The following KERA variants were observed in gnomAD, a reference collection of about 807,000 sequenced individuals.
The protein encoded by KERA is keratan sulfate proteoglycan keratocan.
Under a neutral mutation model 26.4 loss-of-function variants are expected in KERA, and 25 were observed. The ratio of observed to expected loss-of-function variants is 0.95; its 90% CI spans 0.69 to 1.32. The LOEUF is 1.32. Among genes scored for constraint, KERA ranks in the 40% most tolerant of loss-of-function variants. KERA has a pLI of 0.00. For missense variants in KERA, 434 were observed against 408.9 expected (o/e 1.06, Z -0.53); for synonymous variants, 167 against 146.1 (o/e 1.14, Z -1.03).
chr12:91,054,895 A>T (rs571296849), intron 2 of KERA, among the ~76,000 whole-genome samples: 1 of 151,228 alleles, frequency 6.6e-6, no homozygotes, highest in East Asian at 1.9e-4. Context: ...GCCTTTACAC[A>T]CTTGTTTGAG....
chr12:91,052,391 CAA>C (rs1309257359), intron 2 of KERA, among the ~76,000 whole-genome samples: 1 of 151,550 alleles, frequency 6.6e-6, no homozygotes, highest in African/African-American at 2.4e-5. Flanking sequence ...CCATTCCAAA[CAA>C]GAGATCTTCC....
At chr12:91,051,983 T>C (rs549035964) in intron 2 of KERA, among the ~76,000 whole-genome samples, 1 of 151,414 alleles carries the variant, frequency 6.6e-6, no homozygotes, top group Non-Finnish European at 1.5e-5. Context: ...AGAAAATCAA[T>C]CTAATATAAA....
At chr12:91,053,523 C>T (rs566448341) in intron 2 of KERA, among the ~76,000 whole-genome samples, 6 of 151,284 alleles carry the variant, frequency 4.0e-5, no homozygotes, top group Admixed American at 6.6e-5. Flanking sequence ...GTTCTCAAAT[C>T]GTGAGCCAGC....
rs1555186013 is a variant in KERA, at chr12:91,056,977, T to TCTC, written c.-8-689_-8-688insGAG. Among the ~76,000 whole-genome samples the TCTC allele has an allele frequency of 8.5e-3, 1,243 of 147,060 alleles. 19 individuals are homozygous for TCTC. Among genetic ancestry groups the TCTC allele is most frequent in the African/African-American group, 0.029 (1,155 of 39,840 alleles). ...TTATCAATTCTCTCTCTCTCTCCCT[T>TCTC]TCTCTCTCTCTCTCTCTCTCAGAGA... On this transcript the variant is annotated intron_variant, in intron 1 of 2. Transcript: ENST00000266719.
chr12:91,056,397 A>C (rs779808415), intron 1 of KERA, 108 bp from the exon 2 acceptor site: 4 of 858,784 alleles, frequency 4.7e-6, no homozygotes, highest in Non-Finnish European at 7.7e-6. Flanking sequence ...AAGAGGTGAA[A>C]ATATGTCAAC....
Position 91,056,993 on chromosome 12 carries a change from C to A in KERA, c.-8-704G>T, listed in dbSNP as rs576546442. Among the ~76,000 whole-genome samples the A allele has an allele frequency of 3.3e-5, 5 of 150,902 alleles. No individual in the cohort carries two copies. In the South Asian group the frequency reaches 1.0e-3, roughly 31 times the overall value. On this transcript the variant is annotated intron_variant, in intron 1 of 2. Coordinates refer to ENST00000266719, the MANE Select transcript of KERA (RefSeq NM_007035.4). ...TCTCTCCCTTTCTCTCTCTCTCTCT[C>A]TCTCAGAGAATATGTATATTCTGTC...
chr12:91,053,259 T>C (rs1878910032), intron 2 of KERA, among the ~76,000 whole-genome samples: 1 of 151,378 alleles, frequency 6.6e-6, no homozygotes, highest in Non-Finnish European at 1.5e-5. Flanking sequence ...ATATCTACAT[T>C]AAAAAGTAAA....
At chr12:91,053,910 C>T (rs981814516) in intron 2 of KERA, among the ~76,000 whole-genome samples, 14 of 151,256 alleles carry the variant, frequency 9.3e-5, no homozygotes, top group Non-Finnish European at 1.6e-4. Context: ...ATCAATTGTC[C>T]GTGGGGCTTT....
rs181050368 is a variant in KERA at position 91,050,597 on chromosome 12, T to A, written c.*749A>T. 1,095 of 152,078 alleles carry A rather than the reference T, an allele frequency of 7.2e-3. 5 individuals carry two copies. The highest frequency in any genetic ancestry group is 0.012 in the Non-Finnish European group (840 of 67,684). The allele number at this position is 152,078 out of a possible 1,614,324, so 9.4% of individuals were successfully genotyped here. ...TATTTAGAAAATCCAAAAAACACAA[T>A]CAAATATAAAGAACAATTTGCAGTT... On this transcript the variant is annotated 3_prime_UTR_variant, in exon 3 of 3. Transcript: ENST00000266719.
Position 91,055,923 on chromosome 12 carries a change from A to G in KERA, c.359T>C (p.Leu120Pro), listed in dbSNP as rs145871038. 3 of 1,611,092 alleles carry G rather than the reference A, an allele frequency of 1.9e-6. No individual in the cohort carries two copies. The African/African-American group carries it at 4.0e-5, about 22-fold the overall frequency. Residue 120 changes from leucine to proline, a missense_variant, in exon 2 of 3, where the codon CTG becomes CCG. By Grantham distance (98) the Leu-to-Pro change is moderately conservative. Transcript: ENST00000266719. Reference protein sequence around the residue: ...YGIEKGALSQLKKLLFLFLED... With the variant: ...YGIEKGALSQPKKLLFLFLED... The stretch of plus-strand genomic sequence containing the variant: ...CAGAAATAAGAAGAGCAACTTCTTC[A>G]GCTGGCTTAGGGCTCCTTTTTCAAT...
chr12:91,055,356 T>C (rs1230479634), intron 2 of KERA, 40 bp downstream of exon 2: 4 of 1,545,262 alleles, frequency 2.6e-6, no homozygotes, highest in East Asian at 4.5e-5. Flanking sequence ...TTAATGACCA[T>C]GAGCCCTTTA....
intron 1 of KERA, among the ~76,000 whole-genome samples, chr12:91,057,373 T>C (rs1879035868): frequency 7.1e-5 from 1 of 14,054 alleles, no homozygotes; most frequent in Non-Finnish European, 1.2e-4. Context: ...TACATATATA[T>C]TTATATATAT....
intron 1 of KERA, among the ~76,000 whole-genome samples, chr12:91,057,440 G>A (rs975247304): frequency 2.5e-4 from 37 of 149,920 alleles, no homozygotes; most frequent in Admixed American, 2.3e-3. Context: ...ATTGATAATA[G>A]GATGAAATAA....
Position 91,055,537 on chromosome 12 carries a change from G to A in KERA, c.745C>T (p.Leu249=), listed in dbSNP as rs770335639. ...CTTGATGGGAGACCCTCATCTGACA[G>A]TTTGTTGTGATTTAGTCTCAAAAAG... ...VAFLRLNHNK[L]SDEGLPSRGF... Residue 249 remains leucine, a synonymous_variant, in exon 2 of 3, where the codon CTG becomes TTG. Coordinates refer to ENST00000266719, the MANE Select transcript of KERA (RefSeq NM_007035.4). 3 of 1,610,418 alleles carry A rather than the reference G, an allele frequency of 1.9e-6. No homozygotes were observed. The highest frequency in any genetic ancestry group is 1.7e-5 in the Admixed American group (1 of 59,660).
At chr12:91,056,477 T>C (rs564743909) in intron 1 of KERA, among the ~76,000 whole-genome samples, 188 bp from the exon 2 acceptor site, 2 of 151,320 alleles carry the variant, frequency 1.3e-5, no homozygotes, top group East Asian at 3.9e-4. Context: ...TTTGCAAACA[T>C]TGAGAATAAT....
chr12:91,055,844 T>C lies in KERA; in HGVS notation c.438A>G (p.Gln146=). The C allele has an allele frequency of 6.2e-7, 1 of 1,611,358 alleles. No homozygotes were observed. The highest frequency in any genetic ancestry group is 1.1e-5 in the South Asian group (1 of 91,034). The change falls in exon 2 of 3, where the codon CAA becomes CAG. Residue 146 remains glutamine (Q), a synonymous_variant. Coordinates refer to ENST00000266719, the MANE Select transcript of KERA (RefSeq NM_007035.4). Reference sequence around the variant, plus strand: ...ACACCTTATTTCTAGCTAATTGTAATTGTTCTAAACTTCTTGGCAATGGAG... The same window carrying C: ...ACACCTTATTTCTAGCTAATTGTAACTGTTCTAAACTTCTTGGCAATGGAG... ...VPSPLPRSLE[Q]LQLARNKVSR...
rs779861921 is a variant in KERA at position 91,057,983 on chromosome 12, C to G, written c.-248G>C. On this transcript the variant is annotated 5_prime_UTR_variant, in exon 1 of 3. Coordinates refer to ENST00000266719, the MANE Select transcript of KERA (RefSeq NM_007035.4). ...TACCTCAGCCTTCTTGGATCTTCTT[C>G]TTCCTTTTCTATTGGTCACTGCTTG... is the stretch of plus-strand genomic sequence containing the variant. 6.6e-6 allele frequency: 1 copy of G among 151,082 alleles called. No homozygotes were observed. Among genetic ancestry groups the G allele is most frequent in the Non-Finnish European group, 1.5e-5 (1 of 67,452 alleles). 9.4% of individuals were successfully genotyped at this position (151,082 alleles called of 1,614,324 possible). A position where few individuals can be genotyped will look rare whatever the true frequency, so the allele number is the denominator to read the frequency against.
intron 2 of KERA, among the ~76,000 whole-genome samples, chr12:91,054,116 G>A (rs73195002): frequency 6.6e-6 from 1 of 150,914 alleles, no homozygotes; most frequent in African/African-American, 2.4e-5. Flanking sequence ...AAAAATAACC[G>A]CTATGATGGC....
At chr12:91,057,393 T>C (rs1442886529) in intron 1 of KERA, among the ~76,000 whole-genome samples, 2 of 142,616 alleles carry the variant, frequency 1.4e-5, no homozygotes, top group African/African-American at 5.0e-5. Flanking sequence ...TATATATATA[T>C]CAGTAACATT....
Sources: allele counts gnomAD v4.1 joint callset (sites outside exome capture counted in the v4.1 genomes callset), GRCh38; gene constraint gnomAD v4.1.1; transcripts MANE v1.5; gene names NCBI Gene and HGNC (gene_info 2026-07-23, HGNC 2026-07-21).